ACOT11: variants seen among roughly 807,000 people sequenced by gnomAD.
ACOT11 encodes the protein acyl-coenzyme A thioesterase 11.
In ACOT11, 69 loss-of-function variants were observed where a neutral mutation model predicts 77.5. That is an observed-to-expected ratio of 0.89 (90% confidence interval 0.73 to 1.09). The LOEUF (loss-of-function observed/expected upper bound fraction) is 1.09, where lower values mean the gene tolerates loss of function less well. ACOT11 is among the 50% of genes least tolerant of loss of function. The pLI is 0.00. For synonymous variants in ACOT11, 279 were observed against 313.0 expected, an observed-to-expected ratio of 0.89 and a Z score of 1.15; for missense variants, 766 against 813.7, an observed-to-expected ratio of 0.94 and a Z score of 0.71.
intron 1 of ACOT11, among the ~76,000 whole-genome samples, chr1:54,561,916 C>T (rs1569651443): frequency 1.2e-5 from 1 of 82,796 alleles, no homozygotes; most frequent in Non-Finnish European, 2.2e-5. Flanking sequence ...GGGGGCTGAC[C>T]CCCCCCCCAC....
intron 1 of ACOT11, among the ~76,000 whole-genome samples, chr1:54,582,847 G>T (rs760689148): frequency 7.9e-5 from 12 of 152,182 alleles, no homozygotes; most frequent in Middle Eastern, 3.4e-3. Context: ...GTTCTGCCCA[G>T]TTGCCCTCTG....
At chr1:54,589,624 C>T (rs535888020) in intron 3 of ACOT11, among the ~76,000 whole-genome samples, 3 of 152,134 alleles carry the variant, frequency 2.0e-5, no homozygotes, top group East Asian at 3.9e-4. Context: ...ACATGTGGCA[C>T]CATACCTGGC....
intron 16 of ACOT11, among the ~76,000 whole-genome samples, chr1:54,631,142 C>T (rs908300442): frequency 3.3e-5 from 5 of 152,108 alleles, no homozygotes; most frequent in Non-Finnish European, 5.9e-5. Flanking sequence ...CTTTCTTTTC[C>T]GGAGGACACT....
At chr1:54,577,998 A>G (rs532499211) in intron 1 of ACOT11, among the ~76,000 whole-genome samples, 2 of 152,332 alleles carry the variant, frequency 1.3e-5, no homozygotes, top group East Asian at 3.9e-4. Context: ...TGCATGAGCC[A>G]GGCACCAGGG....
intron 1 of ACOT11, among the ~76,000 whole-genome samples, chr1:54,571,071 C>CTCTCT (rs779276330): frequency 2.1e-5 from 3 of 141,846 alleles, no homozygotes; most frequent in African/African-American, 7.9e-5. Flanking sequence ...TTCTCTCTCT[C>CTCTCT]TTTTTTTTTT....
chr1:54,601,533 C>G (rs530329801), intron 9 of ACOT11, 120 bp downstream of exon 9: 3 of 1,416,092 alleles, frequency 2.1e-6, no homozygotes, highest in Non-Finnish European at 2.8e-6. Context: ...ACCCTACCCC[C>G]GTGCTGGGGC....
In ACOT11 at chr1:54,599,319, C is replaced by T. The variant is rs373840425; in HGVS notation, c.788C>T (p.Thr263Met). 2.6e-5 allele frequency: 41 copies of T among 1,604,878 alleles called. No homozygotes were observed. The highest frequency in any genetic ancestry group is 2.2e-4 in the Middle Eastern group (1 of 4,612). The change falls in exon 8 of 16, where the codon ACG (threonine) becomes ATG (methionine). Residue 263 changes from threonine to methionine, a missense_variant. By Grantham distance (81) the Thr-to-Met change is moderately conservative. Transcript: ENST00000343744. Reference sequence around the variant, plus strand: ...AGCCGGCTCTGCCGTGCCCACCCTACGCTGAAGGCCATTGAAATGTTCCAC... The same window carrying T: ...AGCCGGCTCTGCCGTGCCCACCCTATGCTGAAGGCCATTGAAATGTTCCAC... ...AASRLCRAHPTLKAIEMFHFR... is the reference protein window; with the variant it reads ...AASRLCRAHPMLKAIEMFHFR...
rs1458370618 is a variant in ACOT11 at position 54,630,812 on chromosome 1, AAGGGTCGC to A, written c.1712_1719del (p.Gly571GlufsTer17). The A allele has an allele frequency of 1.3e-6, 1 of 770,434 alleles. No individual in the cohort carries two copies. Among genetic ancestry groups the A allele is most frequent in the Non-Finnish European group, 2.4e-6 (1 of 414,828 alleles). The allele number at this position is 770,434 out of a possible 1,614,324, so 47.7% of individuals were successfully genotyped here. On this transcript the variant is annotated frameshift_variant, in exon 16 of 17. Coordinates refer to the ACOT11 transcript ENST00000371316. LOFTEE classifies it high-confidence loss of function. ...TTCCTGGGGGCTCGAATCCAGGTCAAAGGGTCGCAGGAGCGACGGTTGGAATGGAAAAC... is the reference window on the plus strand; with the variant it reads ...TTCCTGGGGGCTCGAATCCAGGTCAAAGGAGCGACGGTTGGAATGGAAAAC...
chr1:54,626,534 A>G (rs1557677500), intron 15 of ACOT11, among the ~76,000 whole-genome samples: 1 of 152,218 alleles, frequency 6.6e-6, no homozygotes, highest in African/African-American at 2.4e-5. Flanking sequence ...TGTTGCAGGC[A>G]AAGAAATCAA....
At chr1:54,558,539 C>T (rs1246107675) in intron 1 of ACOT11, among the ~76,000 whole-genome samples, 13 of 152,146 alleles carry the variant, frequency 8.5e-5, no homozygotes, top group Admixed American at 4.6e-4. Context: ...TCTGAGCAGA[C>T]GACAGCTGAG....
At chr1:54,577,902 C>A (rs1037150414) in intron 1 of ACOT11, among the ~76,000 whole-genome samples, 2 of 152,212 alleles carry the variant, frequency 1.3e-5, no homozygotes, top group African/African-American at 4.8e-5. Context: ...GTTCCTCCTT[C>A]CAAGTTTTTC....
chr1:54,550,727 G>C (rs1653032028), intron 1 of ACOT11, among the ~76,000 whole-genome samples: 1 of 151,974 alleles, frequency 6.6e-6, no homozygotes, highest in Non-Finnish European at 1.5e-5. Flanking sequence ...GCTGAGGTGG[G>C]AGGATCACTT....
At chr1:54,634,511 GATTTCATACCGATGA>G (rs1644319779) in intron 16 of ACOT11, among the ~76,000 whole-genome samples, 2 of 152,250 alleles carry the variant, frequency 1.3e-5, no homozygotes, top group Middle Eastern at 6.8e-3. Flanking sequence ...GCTCAGTTAT[GATTTCATACCGATGA>G]ACAACTGATG....
chr1:54,635,522 GT>G, exon 17 of ACOT11: 5 of 195,158 alleles, frequency 2.6e-5, no homozygotes, highest in South Asian at 8.1e-5. Flanking sequence ...CTACAAACTT[GT>G]TTTTGGATAT....
In ACOT11 at chr1:54,623,263, G is replaced by C. The variant is rs575549324; in HGVS notation, c.1630-7471G>C. 16 of 1,588,756 alleles carry C rather than the reference G, an allele frequency of 1.0e-5. No individual in the cohort carries two copies. In the Admixed American group the frequency reaches 1.7e-4, roughly 17 times the overall value. ...GAGGGAAGCCACTCAGGATGACATG[G>C]GGGGAGGCACCTACCTGGCCGCCGC... is the stretch of plus-strand genomic sequence containing the variant. On this transcript the variant is annotated intron_variant, in intron 15 of 16. Transcript: ENST00000371316.
chr1:54,616,562 G>A (rs1249484553), intron 15 of ACOT11, among the ~76,000 whole-genome samples: 2 of 151,892 alleles, frequency 1.3e-5, no homozygotes, highest in African/African-American at 4.8e-5. Context: ...AGTGGAGACG[G>A]GGTTTCACCA....
chr1:54,549,697 C>T (rs1311185632), intron 1 of ACOT11, among the ~76,000 whole-genome samples: 2 of 152,232 alleles, frequency 1.3e-5, no homozygotes, highest in African/African-American at 4.8e-5. Flanking sequence ...TTGGTATACC[C>T]AGCACGGGGA....
At chr1:54,614,956 ATGTG>A, downstream of ACOT11, 1 of 1,239,624 alleles carries the variant, frequency 8.1e-7, no homozygotes, top group Non-Finnish European at 1.1e-6. Context: ...GTGTGTGTGC[ATGTG>A]CGTGCACAGT....
intron 3 of ACOT11, among the ~76,000 whole-genome samples, chr1:54,591,618 C>T (rs1235060720): frequency 6.6e-6 from 1 of 152,254 alleles, no homozygotes; most frequent in Non-Finnish European, 1.5e-5. Flanking sequence ...GGCCTTTAGC[C>T]TCCTGCCCCT....
Sources: gnomAD v4.1 joint callset for allele counts (sites outside exome capture counted in the v4.1 genomes callset) on GRCh38, gnomAD v4.1.1 for gene constraint, MANE v1.5 for transcripts, NCBI Gene and HGNC (gene_info 2026-07-23, HGNC 2026-07-21) for gene names.